COX16: variants seen among roughly 807,000 people sequenced by gnomAD.
COX16 encodes the protein cytochrome c oxidase assembly protein COX16 homolog, mitochondrial.
A neutral mutation model predicts 15.4 loss-of-function variants in COX16; 12 were observed. The observed-to-expected ratio is 0.78, with a 90% CI of 0.50 to 1.26. The LOEUF is 1.26. Among genes scored for constraint, COX16 ranks in the 50% most tolerant of loss-of-function variants. COX16 has a pLI of 0.00. For synonymous variants in COX16, 46 were observed against 41.1 expected, an observed-to-expected ratio of 1.12 and a Z score of -0.46; for missense variants, 124 against 127.6, an observed-to-expected ratio of 0.97 and a Z score of 0.14.
chr14:70,340,284 C>T (rs1359036905), intron 2 of COX16, among the ~76,000 whole-genome samples: 1 of 152,174 alleles, frequency 6.6e-6, no homozygotes, highest in Non-Finnish European at 1.5e-5. Context: ...TTTGCTTCCC[C>T]TTCTGCCATG....
intron 1 of COX16, among the ~76,000 whole-genome samples, chr14:70,344,497 G>A (rs1457888148): frequency 6.6e-6 from 1 of 152,208 alleles, no homozygotes. Context: ...TTGCAAAGGC[G>A]GTTTCAGTAT....
Position 70,329,150 on chromosome 14 carries a change from A to G in COX16, c.204+24T>C, listed in dbSNP as rs931846297. On this transcript the variant is annotated intron_variant, in intron 3 of 3. Transcript: ENST00000389912. ...AACCAGTAACTGATTGTTATAAGAC[A>G]GAGACTATATTAACATACCGTACCT... is the stretch of plus-strand genomic sequence containing the variant. 3.8e-6 allele frequency: 6 copies of G among 1,589,986 alleles called. No homozygotes were observed. In the African/African-American group the frequency reaches 4.1e-5, roughly 11 times the overall value.
Position 70,333,038 on chromosome 14 carries a change from G to A in COX16, c.142-3802C>T, listed in dbSNP as rs1029483025. ...CTCTAGGGCTGAGGCAGCTCAGGTG[G>A]ACACAGGCTCAGGGAAGACAACAGT... is the stretch of plus-strand genomic sequence containing the variant. On this transcript the variant is annotated intron_variant, in intron 2 of 3. Coordinates refer to ENST00000389912, the MANE Select transcript of COX16 (RefSeq NM_016468.7). Among the ~76,000 whole-genome samples the A allele has an allele frequency of 1.1e-4, 17 of 152,316 alleles. No individual in the cohort carries two copies. The East Asian group carries it at 2.5e-3, about 22-fold the overall frequency.
intron 1 of COX16, among the ~76,000 whole-genome samples, chr14:70,356,716 A>T (rs937467001): frequency 6.6e-6 from 1 of 151,954 alleles, no homozygotes; most frequent in African/African-American, 2.4e-5. Context: ...CCAAAGGGTG[A>T]TATCAGTGAC....
intron 1 of COX16, among the ~76,000 whole-genome samples, chr14:70,357,830 T>C (rs954526936): frequency 6.6e-6 from 1 of 152,220 alleles, no homozygotes; most frequent in African/African-American, 2.4e-5. Context: ...TTGGAAAACA[T>C]CTGGCACATC....
chr14:70,351,418 A>T (rs2140745274), intron 1 of COX16, among the ~76,000 whole-genome samples: 1 of 152,374 alleles, frequency 6.6e-6, no homozygotes, highest in East Asian at 1.9e-4. Context: ...TTAACTACCC[A>T]GTTTAACAAA....
At chr14:70,353,417 TATATACACACAC>T (rs1171278272) in intron 1 of COX16, among the ~76,000 whole-genome samples, 3 of 149,162 alleles carry the variant, frequency 2.0e-5, no homozygotes. Context: ...CATACACATA[TATATACACACAC>T]ATATACACAC....
At chr14:70,347,962 C>T (rs1886832374) in intron 1 of COX16, among the ~76,000 whole-genome samples, 1 of 152,140 alleles carries the variant, frequency 6.6e-6, no homozygotes, top group African/African-American at 2.4e-5. Flanking sequence ...ATTACCCAAC[C>T]TTTCCATCTA....
At position 70,359,507 on chromosome 14, in the gene COX16, C is replaced by T; in HGVS notation, c.69+12G>A. 6.2e-7 allele frequency: 1 copy of T among 1,612,470 alleles called. No homozygotes were observed. Among genetic ancestry groups the T allele is most frequent in the Non-Finnish European group, 8.5e-7 (1 of 1,178,512 alleles). ...CCCACCCCTTGCGGAAGATCCTCCT[C>T]ACTCCACTCACCAACATGGGGACTC... On this transcript the variant is annotated intron_variant, in intron 1 of 3. Coordinates refer to ENST00000389912, the MANE Select transcript of COX16 (RefSeq NM_016468.7).
intron 1 of COX16, among the ~76,000 whole-genome samples, chr14:70,353,634 C>T (rs1181450276): frequency 2.0e-5 from 3 of 151,740 alleles, no homozygotes; most frequent in Non-Finnish European, 1.5e-5. Context: ...CCGTCTCAGT[C>T]TCCTGAGTAG....
chr14:70,336,963 T>C (rs1332878846), intron 2 of COX16, among the ~76,000 whole-genome samples: 8 of 152,082 alleles, frequency 5.3e-5, no homozygotes, highest in Non-Finnish European at 1.5e-5. Flanking sequence ...AAAGACCCAC[T>C]AAAGGAAGGG....
At chr14:70,334,179 C>T (rs1886375536) in intron 2 of COX16, among the ~76,000 whole-genome samples, 1 of 152,120 alleles carries the variant, frequency 6.6e-6, no homozygotes, top group Non-Finnish European at 1.5e-5. Flanking sequence ...TAAGACAAAA[C>T]TATTAAAAAT....
chr14:70,349,284 C>T (rs1393457943), intron 1 of COX16, among the ~76,000 whole-genome samples: 1 of 152,204 alleles, frequency 6.6e-6, no homozygotes, highest in Non-Finnish European at 1.5e-5. Context: ...GCCAGATACC[C>T]AGGCACGATT....
Position 70,359,594 on chromosome 14 carries a change from ACT to A in COX16, c.-9_-8del. The A allele has an allele frequency of 6.2e-7, 1 of 1,613,744 alleles. No individual in the cohort carries two copies. Among genetic ancestry groups the A allele is most frequent in the South Asian group, 1.1e-5 (1 of 91,066 alleles). ...TCACCGCGGGTGCAAACATGAGTGA[ACT>A]CTTCCATCGGCTCAGAACTCCAAGC... On this transcript the variant is annotated 5_prime_UTR_variant, in exon 1 of 4. Transcript: ENST00000389912.
At chr14:70,345,653 T>A (rs537846713) in intron 1 of COX16, among the ~76,000 whole-genome samples, 1 of 152,296 alleles carries the variant, frequency 6.6e-6, no homozygotes, top group Non-Finnish European at 1.5e-5. Context: ...TTAACTGACT[T>A]AAGCAATTAT....
At chr14:70,347,081 C>T (rs1204264393) in intron 1 of COX16, among the ~76,000 whole-genome samples, 4 of 152,038 alleles carry the variant, frequency 2.6e-5, no homozygotes, top group East Asian at 1.9e-4. Context: ...CACCCCCGTC[C>T]GCATTACCCT....
In COX16 at chr14:70,341,731, C is replaced by T. The variant is rs560783288; in HGVS notation, c.141+927G>A. On this transcript the variant is annotated intron_variant, in intron 2 of 3. Transcript: ENST00000389912. The stretch of plus-strand genomic sequence containing the variant: ...ATAGCCCCAACTTGCAATGTTTCAA[C>T]GTACGTTTCTTTTACTTTACGATCC... 4.6e-5 allele frequency among the ~76,000 whole-genome samples: 7 copies of T among 152,212 alleles called. No homozygotes were observed. The South Asian group carries it at 6.2e-4, about 14-fold the overall frequency.
At chr14:70,359,407 T>C (rs1437530114) in intron 1 of COX16, 112 bp downstream of exon 1, 2 of 968,212 alleles carry the variant, frequency 2.1e-6, no homozygotes, top group East Asian at 2.5e-5. Context: ...AGCTCCTTCC[T>C]AGCCCGAGTG....
At chr14:70,347,719 C>T (rs1886825390) in intron 1 of COX16, among the ~76,000 whole-genome samples, 2 of 152,074 alleles carry the variant, frequency 1.3e-5, no homozygotes, top group South Asian at 4.1e-4. Context: ...AAATATGAGC[C>T]CCCTTAGTCA....
Sources: gnomAD v4.1 joint callset for allele counts (sites outside exome capture counted in the v4.1 genomes callset) on GRCh38, gnomAD v4.1.1 for gene constraint, MANE v1.5 for transcripts, NCBI Gene and HGNC (gene_info 2026-07-23, HGNC 2026-07-21) for gene names.